NEIL3: variants seen among roughly 807,000 people sequenced by gnomAD.
The protein encoded by NEIL3 is nei like DNA glycosylase 3, also known as endonuclease 8-like 3.
In NEIL3, 48 loss-of-function variants were observed where a neutral mutation model predicts 57.5. The observed-to-expected ratio is 0.83, with a 90% CI of 0.66 to 1.06. The LOEUF (loss-of-function observed/expected upper bound fraction) is 1.06. Ranked by LOEUF, NEIL3 falls within the 50% of genes least tolerant of loss-of-function variation. The pLI, the probability that NEIL3 is intolerant of heterozygous loss-of-function variation, is 0.00. For synonymous variants in NEIL3, 261 were observed against 253.2 expected, an observed-to-expected ratio of 1.03 and a Z score of -0.29; for missense variants, 717 against 739.1, an observed-to-expected ratio of 0.97 and a Z score of 0.35.
chr4:177,318,995 A>G (rs1578986990), intron 1 of NEIL3, among the ~76,000 whole-genome samples: 1 of 152,310 alleles, frequency 6.6e-6, no homozygotes, highest in East Asian at 1.9e-4. Context: ...TCATCTTTCC[A>G]GATGTCACGT....
At position 177,341,502 on chromosome 4, in the gene NEIL3, T is replaced by TA. The variant is rs752388981; in HGVS notation, c.732dup (p.His245ThrfsTer3). 48 of 1,608,504 alleles carry TA rather than the reference T, an allele frequency of 3.0e-5. No homozygotes were observed. Among genetic ancestry groups the TA allele is most frequent in the Non-Finnish European group, 4.1e-5 (48 of 1,177,714 alleles). ...GCCGTAAAGCAGGACTTGCTCTCTC[T>TA]AAACACTATAAGGTTTACAAGCGTC... On this transcript the variant is annotated frameshift_variant, in exon 6 of 10. Coordinates refer to ENST00000264596, the MANE Select transcript of NEIL3 (RefSeq NM_018248.3). LOFTEE classifies it high-confidence loss of function.
At chr4:177,343,856 A>G (rs919114907) in intron 6 of NEIL3, 3 of 151,912 alleles carry the variant, frequency 2.0e-5, no homozygotes, top group Non-Finnish European at 4.4e-5. Flanking sequence ...CTTTTTTATA[A>G]TATAGGTATA....
At chr4:177,328,527 C>T (rs1324390305) in intron 2 of NEIL3, among the ~76,000 whole-genome samples, 4 of 152,148 alleles carry the variant, frequency 2.6e-5, no homozygotes, top group Non-Finnish European at 5.9e-5. Flanking sequence ...CAGAAGACAA[C>T]AGAGCAACGT....
chr4:177,351,464 A>G lies in NEIL3; in HGVS notation c.954A>G (p.Glu318=). ...HVMDSVARKS[E]EHWTCVVCTL... ...TGGACTCCGTGGCTCGGAAGTCGGA[A>G]GAGCACTGGACCTGTGTGGTGTGTA... The change falls in exon 7 of 10, where the codon GAA becomes GAG. Residue 318 remains glutamate, a synonymous_variant. Transcript: ENST00000264596. 6.2e-7 allele frequency: 1 copy of G among 1,613,974 alleles called. No individual in the cohort carries two copies. The highest frequency in any genetic ancestry group is 8.5e-7 in the Non-Finnish European group (1 of 1,179,854).
intron 2 of NEIL3, among the ~76,000 whole-genome samples, chr4:177,327,193 C>T (rs571345211): frequency 6.6e-6 from 1 of 152,278 alleles, no homozygotes; most frequent in Non-Finnish European, 1.5e-5. Flanking sequence ...TTCCTGAGAC[C>T]TCCCAAACCA....
At chr4:177,316,701 G>A (rs760690436) in intron 1 of NEIL3, among the ~76,000 whole-genome samples, 4 of 152,090 alleles carry the variant, frequency 2.6e-5, no homozygotes, top group Admixed American at 1.3e-4. Flanking sequence ...CTGAACCTCA[G>A]GCATTGTGTA....
chr4:177,354,591 G>A (rs892555314), intron 8 of NEIL3, among the ~76,000 whole-genome samples: 2 of 151,562 alleles, frequency 1.3e-5, no homozygotes, highest in Non-Finnish European at 2.9e-5. Context: ...TGCTCTTGTC[G>A]CCCAGCTGGA....
At chr4:177,362,261 C>G in intron 9 of NEIL3, 28 bp from the exon 10 acceptor site, 1 of 1,575,098 alleles carries the variant, frequency 6.3e-7, no homozygotes, top group Non-Finnish European at 8.6e-7. Flanking sequence ...TTTGTATAAA[C>G]TTGTAAATTT....
chr4:177,311,789 T>C (rs1416696910), intron 1 of NEIL3, among the ~76,000 whole-genome samples: 2 of 151,800 alleles, frequency 1.3e-5, no homozygotes, highest in Admixed American at 1.3e-4. Context: ...TGCCCTCTCA[T>C]TTAGGAGTCG....
downstream of NEIL3, among the ~76,000 whole-genome samples, chr4:177,367,624 A>G (rs898100677): frequency 6.6e-6 from 1 of 152,184 alleles, no homozygotes; most frequent in Non-Finnish European, 1.5e-5. Context: ...CAGAGCCTGC[A>G]TCTGTTAGTC....
At chr4:177,364,884 C>T (rs762685654), downstream of NEIL3, among the ~76,000 whole-genome samples, 1 of 150,706 alleles carries the variant, frequency 6.6e-6, no homozygotes, top group East Asian at 1.9e-4. Flanking sequence ...GCTGAGATCT[C>T]GCCATTGCAC....
rs544495891 is a variant in NEIL3, at chr4:177,320,639, G to A, written c.157-1820G>A. 5.9e-5 allele frequency among the ~76,000 whole-genome samples: 9 copies of A among 151,344 alleles called. No homozygotes were observed. In the East Asian group the frequency reaches 1.4e-3, roughly 23 times the overall value. ...GCTACAGGCGCCCGCCACCATGCCC[G>A]GCTAATTTTTTTTGTATTTTTAGTA... On this transcript the variant is annotated intron_variant, in intron 1 of 9. Transcript: ENST00000264596.
At chr4:177,324,368 A>C (rs1196186107) in intron 2 of NEIL3, among the ~76,000 whole-genome samples, 1 of 152,168 alleles carries the variant, frequency 6.6e-6, no homozygotes, top group Non-Finnish European at 1.5e-5. Context: ...AAGTGTGTGC[A>C]TCTCATAGGT....
At chr4:177,351,316 C>A in intron 6 of NEIL3, 64 bp from the exon 7 acceptor site, 2 of 1,095,688 alleles carry the variant, frequency 1.8e-6, no homozygotes, top group Non-Finnish European at 2.6e-6. Flanking sequence ...ATAATCATTT[C>A]TAAAATATCC....
At chr4:177,355,632 T>A (rs575662594) in intron 8 of NEIL3, among the ~76,000 whole-genome samples, 1 of 152,282 alleles carries the variant, frequency 6.6e-6, no homozygotes, top group South Asian at 2.1e-4. Flanking sequence ...AATTCTGAGA[T>A]TCACTGGCTT....
intron 1 of NEIL3, among the ~76,000 whole-genome samples, chr4:177,319,106 G>A (rs1734627682): frequency 6.6e-6 from 1 of 152,214 alleles, no homozygotes. Context: ...TGTCAAAGCT[G>A]TTAACTTGGT....
At position 177,353,561 on chromosome 4, in the gene NEIL3, C is replaced by T; in HGVS notation, c.1293C>T (p.His431=). Residue 431 remains histidine, a synonymous_variant, in exon 8 of 10, where the codon CAC becomes CAT. Coordinates refer to ENST00000264596, the MANE Select transcript of NEIL3 (RefSeq NM_018248.3). ...GTGTTTGTTTGAATGATATACAGCA[C>T]CCCTCCAAGAAGACAACAAACGATA... ...PASVCLNDIQ[H]PSKKTTNDIT... is the part of the protein sequence containing the mutation. 3.1e-6 allele frequency: 5 copies of T among 1,612,976 alleles called. No individual in the cohort carries two copies. Among genetic ancestry groups the T allele is most frequent in the Non-Finnish European group, 3.4e-6 (4 of 1,179,346 alleles).
At chr4:177,363,811 C>T (rs1450873434), downstream of NEIL3, among the ~76,000 whole-genome samples, 1 of 152,114 alleles carries the variant, frequency 6.6e-6, no homozygotes, top group Non-Finnish European at 1.5e-5. Context: ...AGTGCAGTAG[C>T]ATGATCTTGG....
At chr4:177,364,352 G>C (rs1433870783), downstream of NEIL3, among the ~76,000 whole-genome samples, 1 of 152,140 alleles carries the variant, frequency 6.6e-6, no homozygotes, top group Non-Finnish European at 1.5e-5. Flanking sequence ...TTAGAAGAAA[G>C]AATAGGCTGG....
Sources: gnomAD v4.1 joint callset for allele counts (sites outside exome capture counted in the v4.1 genomes callset) on GRCh38, gnomAD v4.1.1 for gene constraint, MANE v1.5 for transcripts, NCBI Gene and HGNC (gene_info 2026-07-23, HGNC 2026-07-21) for gene names.